The following NFIL3 variants were observed in gnomAD, a reference collection of about 807,000 sequenced individuals.
The protein encoded by NFIL3 is nuclear factor, interleukin 3 regulated.
Under a neutral mutation model 10.0 loss-of-function variants are expected in NFIL3, and 5 were observed. The ratio of observed to expected loss-of-function variants is 0.50; its 90% confidence interval spans 0.26 to 1.06. The LOEUF (loss-of-function observed/expected upper bound fraction) is 1.06, where lower values mean the gene tolerates loss of function less well. NFIL3 is among the 50% of genes least tolerant of loss of function. NFIL3 has a pLI of 0.13. For missense variants in NFIL3, 436 were observed against 547.6 expected (o/e 0.80, Z 2.03); for synonymous variants, 202 against 206.5 (o/e 0.98, Z 0.19).
chr9:91,434,767 A>T, the NFIL3 span, among the ~76,000 whole-genome samples: 1 of 152,238 alleles, frequency 6.6e-6, no homozygotes, highest in African/African-American at 2.4e-5. Context: ...TTCGAAAAAA[A>T]TCAAGTGCAC....
At chr9:91,417,575 A>C (rs2440590) in intron 1 of NFIL3, among the ~76,000 whole-genome samples, 1 of 152,200 alleles carries the variant, frequency 6.6e-6, no homozygotes, top group African/African-American at 2.4e-5. Context: ...AGATGAAATA[A>C]GAAAAGAATT....
chr9:91,477,893 C>T, the NFIL3 span, among the ~76,000 whole-genome samples: 18 of 151,962 alleles, frequency 1.2e-4, no homozygotes, highest in African/African-American at 4.4e-4. Flanking sequence ...GATTTTATTT[C>T]TGCTTTGCTT....
At chr9:91,483,301 A>G in the NFIL3 span, among the ~76,000 whole-genome samples, 1 of 152,302 alleles carries the variant, frequency 6.6e-6, no homozygotes, top group African/African-American at 2.4e-5. Flanking sequence ...TGGATCCAGC[A>G]CCAGCAGGAT....
chr9:91,479,733 G>C, the NFIL3 span, among the ~76,000 whole-genome samples: 1 of 152,320 alleles, frequency 6.6e-6, no homozygotes, highest in Non-Finnish European at 1.5e-5. Context: ...CTTAATGTCT[G>C]CCCAAATGGC....
chr9:91,421,755 G>A (rs1358914135), intron 1 of NFIL3, among the ~76,000 whole-genome samples: 1 of 152,192 alleles, frequency 6.6e-6, no homozygotes, highest in African/African-American at 2.4e-5. Flanking sequence ...TTCTTGGAAA[G>A]CGACTGCAAT....
At chr9:91,460,763 A>T in the NFIL3 span, among the ~76,000 whole-genome samples, 2 of 152,198 alleles carry the variant, frequency 1.3e-5, no homozygotes, top group African/African-American at 4.8e-5. Context: ...TTTAGTTATT[A>T]AATAGAGAAG....
At chr9:91,427,484 C>T (rs1345983118), upstream of NFIL3, among the ~76,000 whole-genome samples, 2 of 152,138 alleles carry the variant, frequency 1.3e-5, no homozygotes, top group Non-Finnish European at 2.9e-5. Flanking sequence ...GTCTGGTGGC[C>T]GGCAGCCTGC....
At chr9:91,441,397 C>T in the NFIL3 span, among the ~76,000 whole-genome samples, 1 of 151,990 alleles carries the variant, frequency 6.6e-6, no homozygotes, top group African/African-American at 2.4e-5. Context: ...TATGTTTGTC[C>T]TTAAACCTAA....
chr9:91,428,446 T>C (rs1009769562), upstream of NFIL3, among the ~76,000 whole-genome samples: 3 of 152,218 alleles, frequency 2.0e-5, no homozygotes, highest in Non-Finnish European at 4.4e-5. Context: ...CCCCTAACTT[T>C]GCCATGTGGC....
At chr9:91,414,382 T>C (rs1833613019) in intron 1 of NFIL3, among the ~76,000 whole-genome samples, 1 of 152,194 alleles carries the variant, frequency 6.6e-6, no homozygotes, top group Admixed American at 6.5e-5. Context: ...TTTGTATTTT[T>C]AGTAGAGATG....
At chr9:91,449,875 C>T in the NFIL3 span, among the ~76,000 whole-genome samples, 1 of 152,006 alleles carries the variant, frequency 6.6e-6, no homozygotes, top group Non-Finnish European at 1.5e-5. Flanking sequence ...GAATTAATCT[C>T]TTCACTTGTT....
upstream of NFIL3, among the ~76,000 whole-genome samples, chr9:91,425,621 A>C (rs1234477909): frequency 1.3e-5 from 2 of 152,240 alleles, no homozygotes; most frequent in Non-Finnish European, 2.9e-5. Flanking sequence ...TCCTGATTTT[A>C]GTTTATAATT....
chr9:91,469,131 C>T, the NFIL3 span, among the ~76,000 whole-genome samples: 6 of 152,130 alleles, frequency 3.9e-5, no homozygotes, highest in African/African-American at 1.4e-4. Flanking sequence ...GGCAGTATGG[C>T]CATTTTCACG....
the NFIL3 span, among the ~76,000 whole-genome samples, chr9:91,479,302 C>T: frequency 6.6e-6 from 1 of 152,286 alleles, no homozygotes; most frequent in South Asian, 2.1e-4. Context: ...ATCTGTAAGC[C>T]CCTGATTGGG....
chr9:91,414,591 T>A (rs1008281017), intron 1 of NFIL3, among the ~76,000 whole-genome samples: 2 of 152,222 alleles, frequency 1.3e-5, no homozygotes, highest in African/African-American at 2.4e-5. Flanking sequence ...TTCTTCCTAT[T>A]TGAATTTCAT....
the NFIL3 span, among the ~76,000 whole-genome samples, chr9:91,433,211 T>C: frequency 6.6e-6 from 1 of 152,200 alleles, no homozygotes; most frequent in Non-Finnish European, 1.5e-5. Flanking sequence ...AAAACAAAAT[T>C]TTCCTGCATA....
chr9:91,432,142 T>G, the NFIL3 span, among the ~76,000 whole-genome samples: 1 of 152,086 alleles, frequency 6.6e-6, no homozygotes, highest in Non-Finnish European at 1.5e-5. Context: ...AACCCCATGA[T>G]GTAGGGTAGT....
At chr9:91,482,539 G>A in the NFIL3 span, among the ~76,000 whole-genome samples, 25 of 151,986 alleles carry the variant, frequency 1.6e-4, no homozygotes, top group Admixed American at 3.3e-4. Flanking sequence ...TGCTCTTGTC[G>A]CCCAGGCTGG....
chr9:91,428,637 A>G (rs192607383), upstream of NFIL3, among the ~76,000 whole-genome samples: 1 of 152,330 alleles, frequency 6.6e-6, no homozygotes, highest in African/African-American at 2.4e-5. Context: ...AAGAAATTAG[A>G]TCTCTACACC....
Sources: gnomAD v4.1 joint callset for allele counts (sites outside exome capture counted in the v4.1 genomes callset) on GRCh38, gnomAD v4.1.1 for gene constraint, MANE v1.5 for transcripts, NCBI Gene and HGNC (gene_info 2026-07-23, HGNC 2026-07-21) for gene names.